Variants in WNK3 observed in about 807,000 individuals in gnomAD.
WNK3 encodes WNK lysine deficient protein kinase 3, also known as serine/threonine-protein kinase WNK3.
A neutral mutation model predicts 116.7 loss-of-function variants in WNK3; 18 were observed. That is an observed-to-expected ratio of 0.15 (90% CI 0.11 to 0.23). The LOEUF (loss-of-function observed/expected upper bound fraction) is 0.23, where lower values mean the gene tolerates loss of function less well. WNK3 is among the 10% of genes least tolerant of loss of function. The pLI is 1.00. For missense variants in WNK3, 993 were observed against 1,323.8 expected (o/e 0.75, Z 3.88); for synonymous variants, 404 against 469.4 (o/e 0.86, Z 1.80).
chrX:54,288,519 A>G (rs1438730754), intron 10 of WNK3, among the ~76,000 whole-genome samples: 3 of 111,498 alleles, frequency 2.7e-5, no homozygotes, highest in African/African-American at 9.8e-5. Context: ...GCTTGGTGCT[A>G]GATGTGATTG....
chrX:54,293,813 G>C (rs1236009697), intron 8 of WNK3, among the ~76,000 whole-genome samples: 2 of 112,140 alleles, frequency 1.8e-5, no homozygotes, highest in African/African-American at 6.5e-5. Context: ...AAAATACAAA[G>C]GGTCTTAAAG....
chrX:54,341,128 G>A (rs1399392110), intron 1 of WNK3, among the ~76,000 whole-genome samples: 5 of 111,884 alleles, frequency 4.5e-5, no homozygotes, highest in African/African-American at 1.6e-4. Context: ...TGGGCACAGT[G>A]GCTCACACCT....
chrX:54,286,319 T>C (rs1020252377), intron 10 of WNK3, among the ~76,000 whole-genome samples: 2 of 110,537 alleles, frequency 1.8e-5, no homozygotes, highest in Non-Finnish European at 3.8e-5. Context: ...GCTGCAAAGA[T>C]CTTTATTTAT....
chrX:54,206,206 C>T (rs1411927706), intron 22 of WNK3, among the ~76,000 whole-genome samples: 1 of 110,643 alleles, frequency 9.0e-6, no homozygotes, highest in East Asian at 2.8e-4. Flanking sequence ...CAAGACCAGC[C>T]TGGGCAACAT....
exon 9 of WNK3, chrX:54,293,188 T>C: frequency 8.3e-7 from 1 of 1,210,038 alleles, no homozygotes; most frequent in Non-Finnish European, 1.1e-6. Flanking sequence ...AAATTTGCCC[T>C]GGAACATTTA....
chrX:54,292,748 A>AAAGCAT (rs1768542011), intron 10 of WNK3, 140 bp downstream of exon 10: 1 of 531,083 alleles, frequency 1.9e-6, no homozygotes, highest in Non-Finnish European at 2.9e-6. Context: ...TGGGTGAAGG[A>AAAGCAT]AAGCATAAAC....
chrX:54,343,187 C>T (rs2069353499), intron 1 of WNK3, among the ~76,000 whole-genome samples: 1 of 110,189 alleles, frequency 9.1e-6, no homozygotes, highest in African/African-American at 3.3e-5. Context: ...GTGGGGCCAT[C>T]GTGGATCTTC....
chrX:54,215,540 A>G (rs1020214719), intron 22 of WNK3, among the ~76,000 whole-genome samples: 3 of 112,026 alleles, frequency 2.7e-5, no homozygotes, highest in African/African-American at 9.7e-5. Context: ...CGCTCGCTAC[A>G]ACCTCCACCT....
chrX:54,266,906 C>T (rs928492160), intron 10 of WNK3, among the ~76,000 whole-genome samples: 70 of 109,565 alleles, frequency 6.4e-4, no homozygotes, highest in Non-Finnish European at 1.0e-3. Flanking sequence ...CCACATCCCC[C>T]GACAGGTCCC....
intron 22 of WNK3, among the ~76,000 whole-genome samples, chrX:54,222,223 G>GCTA (rs2146796947): frequency 9.1e-6 from 1 of 110,262 alleles, no homozygotes; most frequent in Admixed American, 9.7e-5. Flanking sequence ...GCTCATTGTG[G>GCTA]CTACCACAAG....
At chrX:54,198,209 G>A (rs2067464020) in exon 24 of WNK3, 1 of 680,549 alleles carries the variant, frequency 1.5e-6, no homozygotes, top group Admixed American at 4.4e-5. Flanking sequence ...ATAGTCTAAA[G>A]TAAACTCAAA....
At chrX:54,226,629 G>A (rs1318616471) in intron 22 of WNK3, among the ~76,000 whole-genome samples, 1 of 109,540 alleles carries the variant, frequency 9.1e-6, no homozygotes, top group African/African-American at 3.3e-5. Flanking sequence ...ATCACCTGAG[G>A]TCAGGAGTTT....
At chrX:54,354,461 T>C (rs980468819) in intron 1 of WNK3, among the ~76,000 whole-genome samples, 1 of 110,771 alleles carries the variant, frequency 9.0e-6, no homozygotes, top group Non-Finnish European at 1.9e-5. Context: ...TTATACACAA[T>C]TCCTTCCCCA....
intron 17 of WNK3, among the ~76,000 whole-genome samples, chrX:54,243,599 C>G (rs1401753735): frequency 9.0e-6 from 1 of 110,912 alleles, no homozygotes; most frequent in Non-Finnish European, 1.9e-5. Context: ...CAAATCAAGA[C>G]CACAATAAGA....
At chrX:54,264,330 C>T (rs1364673634) in intron 10 of WNK3, among the ~76,000 whole-genome samples, 1 of 98,576 alleles carries the variant, frequency 1.0e-5, no homozygotes, top group African/African-American at 3.7e-5. Flanking sequence ...GAGACTGTCT[C>T]AAAAAAAAAA....
At chrX:54,204,948 G>A (rs1384559041) in intron 22 of WNK3, among the ~76,000 whole-genome samples, 1 of 112,299 alleles carries the variant, frequency 8.9e-6, no homozygotes, top group African/African-American at 3.2e-5. Context: ...TGGCACAGTG[G>A]CTCACGCCTG....
At chrX:54,247,555 A>G (rs2068085749) in intron 17 of WNK3, among the ~76,000 whole-genome samples, 1 of 110,478 alleles carries the variant, frequency 9.1e-6, no homozygotes, top group Non-Finnish European at 1.9e-5. Flanking sequence ...GTATGTCTTT[A>G]TAAATATTTG....
chrX:54,232,315 T>G (rs782522780), intron 21 of WNK3, among the ~76,000 whole-genome samples: 1 of 110,226 alleles, frequency 9.1e-6, no homozygotes, highest in Non-Finnish European at 1.9e-5. Flanking sequence ...CTAATTTTTG[T>G]ATTTTTAGTA....
chrX:54,274,432 C>T (rs1321680699), intron 10 of WNK3, among the ~76,000 whole-genome samples: 3 of 111,622 alleles, frequency 2.7e-5, no homozygotes, highest in Admixed American at 9.6e-5. Context: ...TCTACCTTCA[C>T]GCTTATTATT....
Sources: gnomAD v4.1 joint callset for allele counts (sites outside exome capture counted in the v4.1 genomes callset) on GRCh38, gnomAD v4.1.1 for gene constraint, MANE v1.5 for transcripts, NCBI Gene and HGNC (gene_info 2026-07-23, HGNC 2026-07-21) for gene names.